The following CERS3 variants were observed in gnomAD, a reference collection of about 807,000 sequenced individuals.
The protein encoded by CERS3 is LAG1 homolog, ceramide synthase 3.
Under a neutral mutation model 50.3 loss-of-function variants are expected in CERS3, and 33 were observed. That is an observed-to-expected ratio of 0.66 (90% confidence interval 0.50 to 0.88). CERS3 has a LOEUF of 0.88. Ranked by LOEUF, CERS3 falls within the 40% of genes least tolerant of loss-of-function variation. The pLI is 0.00. For missense variants in CERS3, 470 were observed against 460.3 expected, an observed-to-expected ratio of 1.02 and a Z score of -0.19; for synonymous variants, 176 against 155.2, an observed-to-expected ratio of 1.13 and a Z score of -0.99.
chr15:100,409,998 G>A (rs2031352430), intron 11 of CERS3, among the ~76,000 whole-genome samples: 1 of 152,070 alleles, frequency 6.6e-6, no homozygotes, highest in Non-Finnish European at 1.5e-5. Flanking sequence ...CCTTGGGAAG[G>A]TTTTCCTACA....
chr15:100,478,504 G>T (rs2035203607), intron 7 of CERS3, among the ~76,000 whole-genome samples: 1 of 149,568 alleles, frequency 6.7e-6, no homozygotes, highest in South Asian at 2.1e-4. Flanking sequence ...TCCCCATAGG[G>T]CTAAAGGTCA....
intron 4 of CERS3, among the ~76,000 whole-genome samples, chr15:100,487,659 G>A (rs1213248225): frequency 1.3e-5 from 2 of 152,196 alleles, no homozygotes; most frequent in Non-Finnish European, 2.9e-5. Flanking sequence ...GCTGAATGGG[G>A]CCAAGAGACC....
chr15:100,483,775 A>ATT (rs1158193821), intron 5 of CERS3, among the ~76,000 whole-genome samples: 397 of 18,086 alleles, frequency 0.022, 1 homozygote, highest in African/African-American at 0.042. Flanking sequence ...AATAATAATA[A>ATT]TTATTATTAT....
At chr15:100,505,783 G>A (rs765275238) in intron 2 of CERS3, among the ~76,000 whole-genome samples, 2 of 152,190 alleles carry the variant, frequency 1.3e-5, no homozygotes, top group African/African-American at 2.4e-5. Context: ...TGGGGTGGGC[G>A]GATCGCCTGA....
intron 11 of CERS3, among the ~76,000 whole-genome samples, chr15:100,435,831 T>C (rs1048015994): frequency 2.6e-5 from 4 of 152,198 alleles, no homozygotes; most frequent in South Asian, 4.1e-4. Context: ...ACAGACACTT[T>C]TCAAAAGAAG....
At chr15:100,404,108 C>G (rs2030788030) in intron 11 of CERS3, among the ~76,000 whole-genome samples, 1 of 152,170 alleles carries the variant, frequency 6.6e-6, no homozygotes, top group African/African-American at 2.4e-5. Flanking sequence ...ATGCTGGCAG[C>G]CACCAGAAGC....
At chr15:100,455,059 T>C (rs2034315600) in intron 11 of CERS3, among the ~76,000 whole-genome samples, 2 of 152,072 alleles carry the variant, frequency 1.3e-5, no homozygotes, top group Non-Finnish European at 1.5e-5. Flanking sequence ...CAGTTAAAAC[T>C]GTTATTATTA....
chr15:100,477,277 C>A (rs1218250268), intron 7 of CERS3, among the ~76,000 whole-genome samples: 1 of 152,178 alleles, frequency 6.6e-6, no homozygotes, highest in Non-Finnish European at 1.5e-5. Context: ...CTAGCTAATT[C>A]TTAGGTCCCT....
intron 11 of CERS3, among the ~76,000 whole-genome samples, chr15:100,421,323 C>T (rs1239584263): frequency 6.7e-6 from 1 of 150,044 alleles, no homozygotes; most frequent in Non-Finnish European, 1.5e-5. Context: ...TGAGTGAACT[C>T]CCATTCACAA....
intron 11 of CERS3, among the ~76,000 whole-genome samples, chr15:100,439,467 AACTC>A (rs143552958): frequency 0.033 from 4,964 of 152,350 alleles, 92 homozygotes; most frequent in Non-Finnish European, 0.051. Context: ...TGAAGGAACA[AACTC>A]ACAATCTCTG....
chr15:100,466,840 C>CCTCTCT, intron 10 of CERS3, among the ~76,000 whole-genome samples: 1 of 28,312 alleles, frequency 3.5e-5, no homozygotes, highest in African/African-American at 1.1e-4. Flanking sequence ...TCCCTCTCTC[C>CCTCTCT]CTCTCTCTTT....
At position 100,524,772 on chromosome 15, in the gene CERS3, G is replaced by T. The variant is rs187097886; in HGVS notation, c.-91-3016C>A. 2.9e-3 allele frequency among the ~76,000 whole-genome samples: 444 copies of T among 152,282 alleles called. 1 individual carries two copies. The highest frequency in any genetic ancestry group is 0.01 in the African/African-American group (431 of 41,562). On this transcript the variant is annotated intron_variant, in intron 1 of 11. Transcript: ENST00000679737. ...TTCATTATTGAAGAAAATGTTTTCA[G>T]AATTTTTTGCTTAAATTTTGAAATG... is the stretch of plus-strand genomic sequence containing the variant.
intron 9 of CERS3, among the ~76,000 whole-genome samples, chr15:100,471,614 A>G (rs148732151): frequency 1.3e-5 from 2 of 152,332 alleles, no homozygotes; most frequent in Non-Finnish European, 2.9e-5. Flanking sequence ...AGATACGATC[A>G]GAGAAGGAGG....
Position 100,497,333 on chromosome 15 carries a change from T to TGTGC in CERS3, c.173+4343_173+4344insGCAC, listed in dbSNP as rs1225100018. On this transcript the variant is annotated intron_variant, in intron 3 of 11. Coordinates refer to ENST00000679737, the MANE Select transcript of CERS3 (RefSeq NM_001378789.1). ...GTGTGTGTGTGTGTGTGTGTGTGTG[T>TGTGC]GTGTATGTATATATATATATAGAGA... Among the ~76,000 whole-genome samples the TGTGC allele has an allele frequency of 2.6e-4, 40 of 151,912 alleles. 1 individual carries two copies. Among genetic ancestry groups the TGTGC allele is most frequent in the African/African-American group, 9.4e-4 (39 of 41,354 alleles).
At chr15:100,489,114 T>C (rs1315065088) in intron 4 of CERS3, among the ~76,000 whole-genome samples, 1 of 152,180 alleles carries the variant, frequency 6.6e-6, no homozygotes, top group East Asian at 1.9e-4. Context: ...ATGTCAAAAT[T>C]CTGTCTTTAT....
chr15:100,538,233 G>T (rs1219433640), intron 1 of CERS3, among the ~76,000 whole-genome samples: 2 of 152,168 alleles, frequency 1.3e-5, no homozygotes, highest in African/African-American at 4.8e-5. Context: ...TTTTCCAGGA[G>T]CACAGTGCAA....
chr15:100,514,769 C>A, intron 2 of CERS3, among the ~76,000 whole-genome samples: 1 of 137,740 alleles, frequency 7.3e-6, no homozygotes, highest in East Asian at 2.1e-4. Context: ...TTATACATAT[C>A]ACATGTATGT....
chr15:100,515,076 CCT>C (rs539232179), intron 2 of CERS3, among the ~76,000 whole-genome samples: 119 of 152,238 alleles, frequency 7.8e-4, no homozygotes, highest in African/African-American at 2.7e-3. Context: ...CCTAGCTTCC[CCT>C]GTCTAAATGG....
intron 1 of CERS3, among the ~76,000 whole-genome samples, chr15:100,525,588 C>T (rs1317979982): frequency 2.0e-5 from 3 of 152,202 alleles, no homozygotes; most frequent in African/African-American, 7.2e-5. Flanking sequence ...CCACCATCAA[C>T]AGAAAGCCCT....
Sources: allele counts gnomAD v4.1 joint callset (sites outside exome capture counted in the v4.1 genomes callset), GRCh38; gene constraint gnomAD v4.1.1; transcripts MANE v1.5; gene names NCBI Gene and HGNC (gene_info 2026-07-23, HGNC 2026-07-21).